ANKRD30B: variants seen among roughly 807,000 people sequenced by gnomAD.
The protein encoded by ANKRD30B is ankyrin repeat domain-containing protein 30B.
Under a neutral mutation model 202.2 loss-of-function variants are expected in ANKRD30B, and 144 were observed. The observed-to-expected ratio is 0.71, with a 90% CI of 0.62 to 0.82. The LOEUF (loss-of-function observed/expected upper bound fraction) is 0.82, where lower values mean the gene tolerates loss of function less well. Among genes scored for constraint, ANKRD30B ranks in the 40% least tolerant of loss-of-function variants. The pLI, the probability that ANKRD30B is intolerant of heterozygous loss-of-function variation, is 0.00. For missense variants in ANKRD30B, 1,487 were observed against 1,669.1 expected (o/e 0.89, Z 1.90); for synonymous variants, 508 against 561.3 (o/e 0.91, Z 1.34).
the ANKRD30B span, among the ~76,000 whole-genome samples, chr18:14,877,416 C>T: frequency 6.6e-6 from 1 of 151,776 alleles, no homozygotes; most frequent in African/African-American, 2.4e-5. Flanking sequence ...TGCTCTGAGC[C>T]CCAGTTTCTG....
intron 9 of ANKRD30B, among the ~76,000 whole-genome samples, chr18:14,773,294 A>G (rs1967131166): frequency 1.3e-5 from 2 of 152,180 alleles, no homozygotes; most frequent in South Asian, 4.1e-4. Context: ...ACTATGAGAT[A>G]CTGCAGGTTA....
At chr18:14,775,569 AG>A (rs1294514306) in intron 9 of ANKRD30B, among the ~76,000 whole-genome samples, 1 of 152,264 alleles carries the variant, frequency 6.6e-6, no homozygotes, top group Non-Finnish European at 1.5e-5. Context: ...CATGAGAAAT[AG>A]GACACCTGTA....
the ANKRD30B span, among the ~76,000 whole-genome samples, chr18:14,891,611 G>T: frequency 3.8e-4 from 57 of 150,340 alleles, no homozygotes; most frequent in Non-Finnish European, 5.8e-4. Flanking sequence ...CAGCAAACAC[G>T]TCCATATATT....
chr18:14,889,041 G>T, the ANKRD30B span: 2 of 440,642 alleles, frequency 4.5e-6, no homozygotes, highest in Non-Finnish European at 8.2e-6. Flanking sequence ...CAGGCCTAAT[G>T]TGGATTGTTA....
intron 33 of ANKRD30B, among the ~76,000 whole-genome samples, 181 bp from the exon 34 acceptor site, chr18:14,831,202 G>GAAAAAAAAAAAAAA (rs1434127361): frequency 3.6e-4 from 28 of 76,902 alleles, no homozygotes; most frequent in Non-Finnish European, 4.9e-4. Context: ...AAAAAAAAAC[G>GAAAAAAAAAAAAAA]AAAACCAGAT....
intron 1 of ANKRD30B, among the ~76,000 whole-genome samples, 164 bp downstream of exon 1, chr18:14,748,804 C>A (rs933006521): frequency 5.9e-5 from 9 of 152,120 alleles, no homozygotes; most frequent in Admixed American, 4.6e-4. Flanking sequence ...GCCTTCTTCC[C>A]GGTCAGGCCC....
intron 24 of ANKRD30B, among the ~76,000 whole-genome samples, chr18:14,808,061 C>T (rs1174283220): frequency 6.6e-6 from 1 of 151,000 alleles, no homozygotes; most frequent in Non-Finnish European, 1.5e-5. Flanking sequence ...CTCATCGGAG[C>T]TTTGCAATTC....
At chr18:14,937,618 C>T in the ANKRD30B span, among the ~76,000 whole-genome samples, 128 of 151,706 alleles carry the variant, frequency 8.4e-4, no homozygotes, top group African/African-American at 3.0e-3. Context: ...TTGCCAGGTT[C>T]CTCGAGCTTA....
At chr18:14,900,198 C>A in the ANKRD30B span, among the ~76,000 whole-genome samples, 1 of 152,062 alleles carries the variant, frequency 6.6e-6, no homozygotes, top group South Asian at 2.1e-4. Flanking sequence ...CACTTTAATT[C>A]TGTTTATAAT....
chr18:14,892,063 AG>A, the ANKRD30B span, among the ~76,000 whole-genome samples: 12 of 152,376 alleles, frequency 7.9e-5, no homozygotes, highest in African/African-American at 2.9e-4. Context: ...CAAATGGAGT[AG>A]TTGGTTTCTA....
chr18:14,831,290 T>C, intron 33 of ANKRD30B, 93 bp from the exon 34 acceptor site: 1 of 809,004 alleles, frequency 1.2e-6, no homozygotes, highest in South Asian at 1.7e-5. Context: ...TTTTTTGTTC[T>C]CATTTTTTGG....
At chr18:14,755,150 A>G (rs1470160309) in intron 4 of ANKRD30B, 145 bp downstream of exon 4, 19 of 514,092 alleles carry the variant, frequency 3.7e-5, no homozygotes, top group Admixed American at 3.1e-4. Flanking sequence ...ATCAGAAGAA[A>G]AGCAATTATT....
At chr18:14,832,449 T>A (rs1970994785) in intron 34 of ANKRD30B, among the ~76,000 whole-genome samples, 1 of 152,338 alleles carries the variant, frequency 6.6e-6, no homozygotes, top group African/African-American at 2.4e-5. Flanking sequence ...TGTTCAAAGA[T>A]CTTTGATCAC....
At chr18:14,774,219 T>G (rs911919760) in intron 9 of ANKRD30B, among the ~76,000 whole-genome samples, 5 of 152,172 alleles carry the variant, frequency 3.3e-5, no homozygotes, top group Admixed American at 2.0e-4. Context: ...TGATCAGCAT[T>G]ATAGGAATAT....
At chr18:14,883,369 G>GTCTGTCTCTCTCTCTCTCTCTCTC in the ANKRD30B span, among the ~76,000 whole-genome samples, 1 of 84,656 alleles carries the variant, frequency 1.2e-5, no homozygotes, top group African/African-American at 5.7e-5. Context: ...CTGTCTGTCT[G>GTCTGTCTCTCTCTCTCTCTCTCTC]TCTCTCTCTC....
chr18:14,859,963 T>A, the ANKRD30B span, among the ~76,000 whole-genome samples: 1 of 115,334 alleles, frequency 8.7e-6, no homozygotes, highest in African/African-American at 3.4e-5. Flanking sequence ...ACCTCCCAGA[T>A]GGGGCGACCG....
At chr18:14,786,954 T>A in intron 14 of ANKRD30B, 85 bp from the exon 15 acceptor site, 1 of 1,338,088 alleles carries the variant, frequency 7.5e-7, no homozygotes, top group Non-Finnish European at 1.0e-6. Flanking sequence ...TACAGATTCG[T>A]GAATGAAAGT....
chr18:14,896,360 T>C, the ANKRD30B span, among the ~76,000 whole-genome samples: 1 of 152,150 alleles, frequency 6.6e-6, no homozygotes, highest in Non-Finnish European at 1.5e-5. Context: ...CTCGATCTCC[T>C]GACCTTGTGA....
the ANKRD30B span, among the ~76,000 whole-genome samples, chr18:14,915,970 G>A: frequency 6.6e-6 from 1 of 152,200 alleles, no homozygotes; most frequent in East Asian, 1.9e-4. Context: ...AAAGTTTTTG[G>A]AAGAACGTGT....
Sources: allele counts gnomAD v4.1 joint callset (sites outside exome capture counted in the v4.1 genomes callset), GRCh38; gene constraint gnomAD v4.1.1; transcripts MANE v1.5; gene names NCBI Gene and HGNC (gene_info 2026-07-23, HGNC 2026-07-21).